Variants in FER1L6 observed in about 807,000 individuals in gnomAD.
FER1L6 encodes fer-1 like family member 6.
Under a neutral mutation model 219.2 loss-of-function variants are expected in FER1L6, and 177 were observed. The observed-to-expected ratio is 0.81, with a 90% CI of 0.71 to 0.91. The LOEUF (loss-of-function observed/expected upper bound fraction) is 0.91. Among genes scored for constraint, FER1L6 ranks in the 40% least tolerant of loss-of-function variants. FER1L6 has a pLI of 0.00. For synonymous variants in FER1L6, 768 were observed against 824.3 expected, an observed-to-expected ratio of 0.93 and a Z score of 1.17; for missense variants, 2,153 against 2,259.9, an observed-to-expected ratio of 0.95 and a Z score of 0.96.
chr8:123,981,802 A>G (rs1488407330), intron 11 of FER1L6, among the ~76,000 whole-genome samples: 2 of 152,214 alleles, frequency 1.3e-5, no homozygotes, highest in African/African-American at 4.8e-5. Flanking sequence ...CATCAACAAA[A>G]TGAAATAGTT....
At chr8:123,866,338 A>G (rs1340967653) in intron 1 of FER1L6, among the ~76,000 whole-genome samples, 2 of 151,582 alleles carry the variant, frequency 1.3e-5, no homozygotes, top group Non-Finnish European at 2.9e-5. Context: ...TACACTACGT[A>G]TATAAAAATA....
At chr8:123,868,928 T>C (rs942994987) in intron 1 of FER1L6, among the ~76,000 whole-genome samples, 1 of 152,190 alleles carries the variant, frequency 6.6e-6, no homozygotes, top group South Asian at 2.1e-4. Flanking sequence ...ATTTAATCAG[T>C]AGTTCAGACA....
chr8:123,973,432 A>G lies in FER1L6; in HGVS notation c.448-2A>G. On this transcript the variant is annotated splice_acceptor_variant, in intron 6 of 40. Transcript: ENST00000522917. LOFTEE classifies it high-confidence loss of function. Reference sequence around the variant, plus strand: ...CATACTCCCTGCTCTCTCTCTCCTCAGGTCTTTCACCACAAGCTGATAGGA... The same window carrying G: ...CATACTCCCTGCTCTCTCTCTCCTCGGGTCTTTCACCACAAGCTGATAGGA... 6.2e-7 allele frequency: 1 copy of G among 1,613,024 alleles called. No individual in the cohort carries two copies. The highest frequency in any genetic ancestry group is 1.3e-5 in the African/African-American group (1 of 75,004).
Position 123,980,919 on chromosome 8 carries a change from T to C in FER1L6, c.1410+108T>C, listed in dbSNP as rs964903127. 4 of 987,026 alleles carry C rather than the reference T, an allele frequency of 4.1e-6. No individual in the cohort carries two copies. In the Admixed American group the frequency reaches 1.1e-4, roughly 28 times the overall value. The allele number at this position is 987,026 out of a possible 1,614,324, so 61.1% of individuals were successfully genotyped here. A position where few individuals can be genotyped will look rare whatever the true frequency, so the allele number is the denominator to read the frequency against. ...TGTTGTCAGAATATGTCTTATTCCC[T>C]CTGAAAAATTTGTGTTGGCCCAGCC... is the stretch of plus-strand genomic sequence containing the variant. On this transcript the variant is annotated intron_variant, in intron 11 of 40. Transcript: ENST00000522917.
At chr8:124,040,111 T>C (rs750260033) in intron 20 of FER1L6, 105 bp downstream of exon 20, 121 of 1,432,788 alleles carry the variant, frequency 8.4e-5, no homozygotes, top group Middle Eastern at 2.4e-4. Context: ...AATACCTGCA[T>C]CTTTGGGTGT....
At chr8:123,958,698 TA>T (rs538523781) in intron 2 of FER1L6, among the ~76,000 whole-genome samples, 12 of 127,766 alleles carry the variant, frequency 9.4e-5, no homozygotes, top group Non-Finnish European at 5.3e-5. Context: ...AAAGTGCTAT[TA>T]AAAAAAAACC....
intron 31 of FER1L6, among the ~76,000 whole-genome samples, chr8:124,075,744 T>C (rs550639090): frequency 5.9e-5 from 9 of 152,282 alleles, no homozygotes; most frequent in South Asian, 4.1e-4. Context: ...TGTCACTAGA[T>C]CATAGGAATT....
chr8:124,009,998 GA>G (rs1817844552), intron 13 of FER1L6, among the ~76,000 whole-genome samples: 1 of 151,360 alleles, frequency 6.6e-6, no homozygotes, highest in African/African-American at 2.4e-5. Flanking sequence ...GCAAGCTGGC[GA>G]CCCGGGGAGG....
At chr8:124,080,132 G>C (rs1821475494) in intron 32 of FER1L6, among the ~76,000 whole-genome samples, 1 of 152,120 alleles carries the variant, frequency 6.6e-6, no homozygotes, top group African/African-American at 2.4e-5. Flanking sequence ...ATGAACAATG[G>C]AACATTGTTC....
chr8:123,932,098 A>G (rs764092478), intron 1 of FER1L6, among the ~76,000 whole-genome samples: 7 of 151,900 alleles, frequency 4.6e-5, no homozygotes, highest in Non-Finnish European at 1.0e-4. Flanking sequence ...CCCCTACCGT[A>G]TTTATTTTAT....
intron 32 of FER1L6, among the ~76,000 whole-genome samples, chr8:124,077,093 T>G (rs1821326155): frequency 6.6e-6 from 1 of 152,248 alleles, no homozygotes; most frequent in African/African-American, 2.4e-5. Flanking sequence ...CAAGGTGGCC[T>G]GGGTTTCACT....
At chr8:123,993,548 C>G (rs1256161311) in intron 12 of FER1L6, among the ~76,000 whole-genome samples, 1 of 152,204 alleles carries the variant, frequency 6.6e-6, no homozygotes, top group East Asian at 1.9e-4. Context: ...GACTTTCCTG[C>G]TGAGCCCAGC....
intron 1 of FER1L6, among the ~76,000 whole-genome samples, chr8:123,946,069 C>T (rs183935647): frequency 6.1e-4 from 93 of 152,218 alleles, no homozygotes; most frequent in African/African-American, 2.0e-3. Flanking sequence ...AGAGAGGAAG[C>T]GTTGTAGGGG....
chr8:123,899,536 T>C (rs1812821470), intron 1 of FER1L6, among the ~76,000 whole-genome samples: 1 of 152,172 alleles, frequency 6.6e-6, no homozygotes. Context: ...GCTATTTGTA[T>C]TTGTTTTTAT....
intron 1 of FER1L6, among the ~76,000 whole-genome samples, chr8:123,924,374 C>T (rs1292034331): frequency 1.3e-5 from 2 of 151,700 alleles, no homozygotes; most frequent in African/African-American, 2.4e-5. Context: ...AACCCAGTCT[C>T]TACTAAAAAT....
At chr8:124,093,784 TATTACTTTA>T (rs879740768) in intron 34 of FER1L6, among the ~76,000 whole-genome samples, 40 of 151,632 alleles carry the variant, frequency 2.6e-4, no homozygotes, top group Non-Finnish European at 4.9e-4. Context: ...CCTTTATTTT[TATTACTTTA>T]ATTATTTTTA....
At chr8:123,941,058 G>A (rs1483130563) in intron 1 of FER1L6, among the ~76,000 whole-genome samples, 1 of 152,296 alleles carries the variant, frequency 6.6e-6, no homozygotes, top group South Asian at 2.1e-4. Context: ...CGTTTGTGGT[G>A]TGAACCTAGG....
intron 22 of FER1L6, among the ~76,000 whole-genome samples, chr8:124,054,075 G>A (rs1022272665): frequency 1.3e-5 from 2 of 152,124 alleles, no homozygotes; most frequent in African/African-American, 4.8e-5. Context: ...CCTGCAGATT[G>A]TTCCTTGAAT....
Position 123,853,551 on chromosome 8 carries a change from T to C in FER1L6, c.-8+1366T>C, listed in dbSNP as rs752905715. On this transcript the variant is annotated intron_variant, in intron 1 of 40. Transcript: ENST00000522917. The surrounding 1 kb of genome is among the most constrained non-coding windows in gnomAD (Gnocchi z 6.6). ...ATTTGGACCCAAGGCTGTTGAAAAA[T>C]TGTTACTTTTTTCCTGGGGTATTGT... 1.2e-4 allele frequency among the ~76,000 whole-genome samples: 18 copies of C among 152,180 alleles called. No homozygotes were observed. The highest frequency in any genetic ancestry group is 1.9e-4 in the Non-Finnish European group (13 of 68,036).
Sources: allele counts gnomAD v4.1 joint callset (sites outside exome capture counted in the v4.1 genomes callset), GRCh38; gene constraint gnomAD v4.1.1; non-coding constraint Gnocchi (gnomAD v3.1); transcripts MANE v1.5; gene names NCBI Gene and HGNC (gene_info 2026-07-23, HGNC 2026-07-21).